DYNC2I1: variants seen among roughly 807,000 people sequenced by gnomAD.
DYNC2I1 encodes the protein dynein 2 intermediate chain 1.
A neutral mutation model predicts 133.4 loss-of-function variants in DYNC2I1; 89 were observed. The observed-to-expected ratio is 0.67, with a 90% confidence interval of 0.56 to 0.80. The LOEUF is 0.80. Ranked by LOEUF, DYNC2I1 falls within the 30% of genes least tolerant of loss-of-function variation. DYNC2I1 has a pLI of 0.00. For synonymous variants in DYNC2I1, 504 were observed against 484.3 expected, an observed-to-expected ratio of 1.04 and a Z score of -0.54; for missense variants, 1,291 against 1,314.5, an observed-to-expected ratio of 0.98 and a Z score of 0.28.
chr7:158,957,654 G>A (rs552596258), downstream of DYNC2I1, among the ~76,000 whole-genome samples: 4 of 152,266 alleles, frequency 2.6e-5, 1 homozygote, highest in African/African-American at 9.6e-5. Context: ...CTCACCGGAG[G>A]CCACCTGGCA....
At position 158,914,276 on chromosome 7, in the gene DYNC2I1, G is replaced by A; in HGVS notation, c.1746G>A (p.Lys582=). 6.2e-7 allele frequency: 1 copy of A among 1,613,020 alleles called. No homozygotes were observed. The highest frequency in any genetic ancestry group is 8.5e-7 in the Non-Finnish European group (1 of 1,179,470). Residue 582 remains lysine (K), a synonymous_variant, in exon 14 of 25, where the codon AAG becomes AAA. Transcript: ENST00000407559. ...RDTSDAVVMP[K]IDTPRLCSFL... ...CCTCTGATGCTGTAGTTATGCCAAAGATTGATACTCCAAGGTTATGTAGCT... is the reference window on the plus strand; with the variant it reads ...CCTCTGATGCTGTAGTTATGCCAAAAATTGATACTCCAAGGTTATGTAGCT...
At chr7:158,912,402 A>C (rs1847570394) in intron 12 of DYNC2I1, among the ~76,000 whole-genome samples, 1 of 152,206 alleles carries the variant, frequency 6.6e-6, no homozygotes, top group Admixed American at 6.5e-5. Context: ...TTTTAAAAGG[A>C]GGAAGGTCAC....
chr7:158,912,102 A>C (rs997376388), intron 12 of DYNC2I1, among the ~76,000 whole-genome samples: 1 of 152,140 alleles, frequency 6.6e-6, no homozygotes, highest in African/African-American at 2.4e-5. Flanking sequence ...AGCCTGCCTT[A>C]CCTGCCTGTC....
At chr7:158,873,017 A>G (rs1034249282) in intron 3 of DYNC2I1, among the ~76,000 whole-genome samples, 1 of 151,976 alleles carries the variant, frequency 6.6e-6, no homozygotes, top group African/African-American at 2.4e-5. Context: ...AAACACAACC[A>G]TATTTTAGAC....
chr7:158,942,403 G>A (rs1008619038), intron 24 of DYNC2I1, among the ~76,000 whole-genome samples: 8 of 152,212 alleles, frequency 5.3e-5, no homozygotes, highest in South Asian at 2.1e-4. Flanking sequence ...AGGCACGTGC[G>A]GTGCAATCAC....
downstream of DYNC2I1, among the ~76,000 whole-genome samples, chr7:158,948,829 TA>T (rs1308166807): frequency 1.3e-5 from 2 of 152,218 alleles, no homozygotes; most frequent in South Asian, 2.1e-4. Flanking sequence ...CCAGGTATGG[TA>T]AAAGCACAAG....
chr7:158,914,142 A>T lies in DYNC2I1; in HGVS notation c.1703-91A>T, dbSNP rs1020752779. The T allele has an allele frequency of 1.2e-5, 12 of 1,009,302 alleles. No individual in the cohort carries two copies. In the African/African-American group the frequency reaches 1.8e-4, roughly 15 times the overall value. 62.5% of individuals were successfully genotyped at this position (1,009,302 alleles called of 1,614,324 possible). A position where few individuals can be genotyped will look rare whatever the true frequency, so the allele number is the denominator to read the frequency against. On this transcript the variant is annotated intron_variant, in intron 13 of 24. Coordinates refer to ENST00000407559, the MANE Select transcript of DYNC2I1 (RefSeq NM_018051.5). Reference sequence around the variant, plus strand: ...TTTCCTTCTGGGACTCTTAATGTTGATTTGTTAGGCCTGTTTGAACTCTTA... The same window carrying T: ...TTTCCTTCTGGGACTCTTAATGTTGTTTTGTTAGGCCTGTTTGAACTCTTA...
In DYNC2I1 at chr7:158,942,083, C is replaced by T. The variant is rs768710539; in HGVS notation, c.2937C>T (p.Ile979=). 2 of 1,609,824 alleles carry T rather than the reference C, an allele frequency of 1.2e-6. No homozygotes were observed. The highest frequency in any genetic ancestry group is 2.2e-5 in the South Asian group (2 of 90,538). Residue 979 remains isoleucine, a synonymous_variant, in exon 24 of 25, where the codon ATC becomes ATT. Coordinates refer to ENST00000407559, the MANE Select transcript of DYNC2I1 (RefSeq NM_018051.5). Reference sequence around the variant, plus strand: ...TGGTGCAGGACGACACATCCAACATCTACATCTGGGACCTCCTCCAGAGCG... The same window carrying T: ...TGGTGCAGGACGACACATCCAACATTTACATCTGGGACCTCCTCCAGAGCG... The part of the protein sequence containing the change: ...VFLVQDDTSN[I]YIWDLLQSDL...
At chr7:158,859,223 CTTA>C in intron 1 of DYNC2I1, among the ~76,000 whole-genome samples, 1 of 151,486 alleles carries the variant, frequency 6.6e-6, no homozygotes, top group Middle Eastern at 3.4e-3. Flanking sequence ...TAAGAATATC[CTTA>C]TTATACTGAT....
At chr7:158,918,112 G>T (rs777116739) in intron 14 of DYNC2I1, among the ~76,000 whole-genome samples, 2 of 152,078 alleles carry the variant, frequency 1.3e-5, no homozygotes, top group Non-Finnish European at 2.9e-5. Flanking sequence ...TCCTGACCCT[G>T]AGTGTTCCCG....
chr7:158,876,010 G>A (rs1250200961), intron 3 of DYNC2I1, among the ~76,000 whole-genome samples: 1 of 152,178 alleles, frequency 6.6e-6, no homozygotes, highest in Non-Finnish European at 1.5e-5. Flanking sequence ...CTGTTCCTTA[G>A]TGTACGAGTC....
chr7:158,949,259 T>C (rs1851979775), downstream of DYNC2I1, among the ~76,000 whole-genome samples: 1 of 152,200 alleles, frequency 6.6e-6, no homozygotes, highest in African/African-American at 2.4e-5. Context: ...TAGTCACACA[T>C]AGTCACACAC....
chr7:158,919,305 A>G (rs1848777129), intron 15 of DYNC2I1, among the ~76,000 whole-genome samples: 1 of 152,248 alleles, frequency 6.6e-6, no homozygotes, highest in Admixed American at 6.5e-5. Context: ...CTTAACATTT[A>G]GTGTAGATAG....
intron 21 of DYNC2I1, among the ~76,000 whole-genome samples, chr7:158,931,482 A>G (rs1406710746): frequency 6.6e-6 from 1 of 152,228 alleles, no homozygotes; most frequent in Non-Finnish European, 1.5e-5. Context: ...CCAAACATAC[A>G]TGGTTCCTGG....
intron 23 of DYNC2I1, among the ~76,000 whole-genome samples, chr7:158,939,903 T>TACTATATAATGATACAGGGGTCAATTC (rs1851164175): frequency 1.3e-5 from 2 of 152,194 alleles, no homozygotes; most frequent in Non-Finnish European, 2.9e-5. Flanking sequence ...TGGGTGAATT[T>TACTATATAATGATACAGGGGTCAATTC]ACTATATAAT....
chr7:158,869,617 A>G, intron 1 of DYNC2I1: 1 of 532,382 alleles, frequency 1.9e-6, no homozygotes, highest in Non-Finnish European at 3.5e-6. Flanking sequence ...ATTTTATAAT[A>G]TTTAAGTTTT....
chr7:158,911,244 G>A (rs1847438925), intron 11 of DYNC2I1, among the ~76,000 whole-genome samples: 1 of 152,184 alleles, frequency 6.6e-6, no homozygotes. Context: ...CATATATGTT[G>A]TGTGACTTGA....
the DYNC2I1 span, among the ~76,000 whole-genome samples, chr7:158,843,761 A>G: frequency 6.6e-6 from 1 of 152,082 alleles, no homozygotes; most frequent in Non-Finnish European, 1.5e-5. Flanking sequence ...ATCTCAGTAG[A>G]TTTAGGGATT....
At chr7:158,928,316 T>G (rs1849831142) in intron 20 of DYNC2I1, among the ~76,000 whole-genome samples, 1 of 151,774 alleles carries the variant, frequency 6.6e-6, no homozygotes. Context: ...ACAACCCAGT[T>G]TGTAATGACA....
Sources: gnomAD v4.1 joint callset for allele counts (sites outside exome capture counted in the v4.1 genomes callset) on GRCh38, gnomAD v4.1.1 for gene constraint, MANE v1.5 for transcripts, NCBI Gene and HGNC (gene_info 2026-07-23, HGNC 2026-07-21) for gene names.